Variants in STK17A observed in about 807,000 individuals in gnomAD.
STK17A encodes the protein serine/threonine-protein kinase 17A.
STK17A carries 26 observed loss-of-function variants against 43.7 expected under a neutral mutation model. The ratio of observed to expected loss-of-function variants is 0.60; its 90% CI spans 0.44 to 0.83. The LOEUF (loss-of-function observed/expected upper bound fraction) is 0.83. Among genes scored for constraint, STK17A ranks in the 40% least tolerant of loss-of-function variants. STK17A has a pLI of 0.00. For synonymous variants in STK17A, 191 were observed against 182.5 expected (o/e 1.05, Z -0.38); for missense variants, 476 against 511.6 (o/e 0.93, Z 0.67).
intron 3 of STK17A, among the ~76,000 whole-genome samples, chr7:43,618,533 A>T (rs1475678064): frequency 6.6e-6 from 1 of 152,198 alleles, no homozygotes; most frequent in Non-Finnish European, 1.5e-5. Context: ...GTAATTTACC[A>T]GTGTTTCTCA....
chr7:43,584,104 C>G (rs1035670096), intron 1 of STK17A, among the ~76,000 whole-genome samples: 7 of 152,246 alleles, frequency 4.6e-5, no homozygotes, highest in Admixed American at 3.9e-4. Context: ...CTTCTCCCCC[C>G]ACCCCACGCT....
intron 3 of STK17A, among the ~76,000 whole-genome samples, chr7:43,612,579 T>C (rs184580938): frequency 2.0e-5 from 3 of 152,384 alleles, no homozygotes; most frequent in African/African-American, 7.2e-5. Context: ...TTTTGAATTA[T>C]TAGGCTATTT....
intron 6 of STK17A, 134 bp downstream of exon 6, chr7:43,624,022 C>A: frequency 1.7e-6 from 1 of 599,978 alleles, no homozygotes. Context: ...ATAATGGAAA[C>A]ACAAAAATGT....
chr7:43,614,081 A>T (rs116251114), intron 3 of STK17A, among the ~76,000 whole-genome samples: 2,154 of 152,248 alleles, frequency 0.014, 52 homozygotes, highest in African/African-American at 0.049. Flanking sequence ...GTCTGATAAA[A>T]TGTTCCTTAA....
intron 1 of STK17A, among the ~76,000 whole-genome samples, chr7:43,592,310 A>G (rs543427678): frequency 2.0e-5 from 3 of 151,690 alleles, no homozygotes; most frequent in African/African-American, 7.2e-5. Flanking sequence ...TATCTGTAGA[A>G]GTCTTTCATA....
At position 43,596,010 on chromosome 7, in the gene STK17A, A is replaced by C; in HGVS notation, c.316A>C (p.Ile106Leu). 1 of 1,613,990 alleles carries C rather than the reference A, an allele frequency of 6.2e-7. No individual in the cohort carries two copies. Among genetic ancestry groups the C allele is most frequent in the Non-Finnish European group, 8.5e-7 (1 of 1,179,946 alleles). ...AGGCCAAGATTGTCGGATGGAAATA[A>C]TTCATGAGATTGCTGTACTTGAACT... ...RKGQDCRMEI[I>L]HEIAVLELAQ... is the part of the protein sequence containing the mutation. The change falls in exon 2 of 7, where the codon ATT (isoleucine) becomes CTT (leucine). Residue 106 changes from isoleucine to leucine, a missense_variant. By Grantham distance (5) the Ile-to-Leu change is conservative. Coordinates refer to ENST00000319357, the MANE Select transcript of STK17A (RefSeq NM_004760.3).
intron 2 of STK17A, among the ~76,000 whole-genome samples, chr7:43,596,977 A>G (rs534531801): frequency 1.3e-5 from 2 of 152,302 alleles, no homozygotes; most frequent in African/African-American, 4.8e-5. Flanking sequence ...AGCCTAAGCA[A>G]CATAACAAAG....
At chr7:43,584,828 AGG>A (rs1401638875) in intron 1 of STK17A, among the ~76,000 whole-genome samples, 1 of 152,238 alleles carries the variant, frequency 6.6e-6, no homozygotes, top group East Asian at 1.9e-4. Context: ...CAAAAGATGA[AGG>A]GAGCTGTGAC....
At chr7:43,604,145 A>G (rs890926958) in intron 2 of STK17A, among the ~76,000 whole-genome samples, 2 of 152,180 alleles carry the variant, frequency 1.3e-5, no homozygotes, top group Non-Finnish European at 2.9e-5. Flanking sequence ...CCAGCTTTAT[A>G]TATATTACTT....
chr7:43,613,992 A>C (rs1285314810), intron 3 of STK17A, among the ~76,000 whole-genome samples: 1 of 152,174 alleles, frequency 6.6e-6, no homozygotes, highest in Non-Finnish European at 1.5e-5. Context: ...CAGTCCCCCA[A>C]ATTAATTTAG....
chr7:43,610,116 G>T (rs1466664613), intron 3 of STK17A, among the ~76,000 whole-genome samples: 1 of 150,650 alleles, frequency 6.6e-6, no homozygotes, highest in African/African-American at 2.4e-5. Context: ...GGAGGCCGAG[G>T]TGGGCGGATC....
intron 2 of STK17A, 111 bp downstream of exon 2, chr7:43,596,224 A>G: frequency 5.1e-6 from 5 of 975,756 alleles, no homozygotes; most frequent in Non-Finnish European, 4.3e-6. Context: ...AAATCTCAGA[A>G]TTTTCTAGAT....
Position 43,583,326 on chromosome 7 carries a change from G to A in STK17A, c.83G>A (p.Ser28Asn). The change falls in exon 1 of 7, where the codon AGC (serine) becomes AAC (asparagine). Residue 28 changes from serine (S) to asparagine (N), a missense_variant. This residue lies in a region of STK17A where 320 missense variants were observed against 326.3 expected (regional missense o/e 0.98). Transcript: ENST00000319357. Reference sequence around the variant, plus strand: ...TCGGGCCGGGCAGGCCGGGGTCTGAGCGGGCCGTGCCGGCCGCCGCCGCCG... The same window carrying A: ...TCGGGCCGGGCAGGCCGGGGTCTGAACGGGCCGTGCCGGCCGCCGCCGCCG... ...SGSGRAGRGLSGPCRPPPPPQ... is the reference protein window; with the variant it reads ...SGSGRAGRGLNGPCRPPPPPQ... 2 of 1,462,524 alleles carry A rather than the reference G, an allele frequency of 1.4e-6. No homozygotes were observed. Among genetic ancestry groups the A allele is most frequent in the Middle Eastern group, 2.2e-4 (1 of 4,582 alleles). The allele number at this position is 1,462,524 out of a possible 1,614,324, so 90.6% of individuals were successfully genotyped here. A position where few individuals can be genotyped will look rare whatever the true frequency, so the allele number is the denominator to read the frequency against.
chr7:43,604,703 ATTTT>A (rs2082577074), intron 2 of STK17A, among the ~76,000 whole-genome samples: 1 of 151,986 alleles, frequency 6.6e-6, no homozygotes, highest in Non-Finnish European at 1.5e-5. Context: ...AGCTACTTAA[ATTTT>A]TTTGTTTATA....
chr7:43,585,950 G>C (rs1174833985), intron 1 of STK17A, among the ~76,000 whole-genome samples: 4 of 151,596 alleles, frequency 2.6e-5, no homozygotes, highest in Non-Finnish European at 5.9e-5. Context: ...GGAAGGAAAA[G>C]TTCTGTTTGT....
chr7:43,591,089 A>G (rs1258011826), intron 1 of STK17A, among the ~76,000 whole-genome samples: 4 of 151,524 alleles, frequency 2.6e-5, no homozygotes, highest in East Asian at 1.9e-4. Flanking sequence ...AGATGAAGGC[A>G]TGCATGCTTC....
intron 2 of STK17A, among the ~76,000 whole-genome samples, chr7:43,605,468 T>C (rs1267433942): frequency 6.6e-6 from 1 of 152,178 alleles, no homozygotes; most frequent in Non-Finnish European, 1.5e-5. Context: ...CTTACCCTTG[T>C]TCTTTGTGAA....
rs755922644 is a variant in STK17A at position 43,583,213 on chromosome 7, G to A, written c.-31G>A. On this transcript the variant is annotated 5_prime_UTR_variant, in exon 1 of 7. Transcript: ENST00000319357. Reference sequence around the variant, plus strand: ...ACCCTCCGGCTGCTCGGAGTGAACAGGCGGCCAGGAAAGAAGCGGGCCTGA... The same window carrying A: ...ACCCTCCGGCTGCTCGGAGTGAACAAGCGGCCAGGAAAGAAGCGGGCCTGA... The A allele has an allele frequency of 1.9e-6, 3 of 1,554,328 alleles. No individual in the cohort carries two copies. Among genetic ancestry groups the A allele is most frequent in the Admixed American group, 3.7e-5 (2 of 53,624 alleles).
intron 4 of STK17A, among the ~76,000 whole-genome samples, chr7:43,621,766 T>C (rs142263534): frequency 1.2e-3 from 190 of 152,292 alleles, no homozygotes; most frequent in African/African-American, 3.9e-3. Context: ...CAAAACATTA[T>C]AATGGAAGTA....
Sources: gnomAD v4.1 joint callset for allele counts (sites outside exome capture counted in the v4.1 genomes callset) on GRCh38, gnomAD v4.1.1 for gene constraint, gnomAD v4.1.1 regional missense constraint, MANE v1.5 for transcripts, NCBI Gene and HGNC (gene_info 2026-07-23, HGNC 2026-07-21) for gene names.